TEX11: variants seen among roughly 807,000 people sequenced by gnomAD.
TEX11 encodes the protein testis-expressed protein 11.
A neutral mutation model predicts 84.4 loss-of-function variants in TEX11; 7 were observed. The ratio of observed to expected loss-of-function variants is 0.08; its 90% CI spans 0.05 to 0.16. The LOEUF (loss-of-function observed/expected upper bound fraction) is 0.16. TEX11 is among the 10% of genes least tolerant of loss of function. The probability of loss-of-function intolerance (pLI) is 1.00; values close to 1 mark genes in which losing one functional copy is unlikely to be tolerated. For synonymous variants in TEX11, 264 were observed against 222.8 expected, an observed-to-expected ratio of 1.18 and a Z score of -1.64; for missense variants, 551 against 660.5, an observed-to-expected ratio of 0.83 and a Z score of 1.82.
chrX:70,740,672 G>T, intron 11 of TEX11, 29 bp downstream of exon 11: 1 of 1,021,252 alleles, frequency 9.8e-7, no homozygotes, highest in Non-Finnish European at 1.3e-6. Flanking sequence ...AATACATTAA[G>T]TTAGTATTCA....
At chrX:70,887,638 G>A (rs2091716878) in intron 2 of TEX11, among the ~76,000 whole-genome samples, 1 of 112,447 alleles carries the variant, frequency 8.9e-6, no homozygotes, top group African/African-American at 3.2e-5. Flanking sequence ...CCCAGGGCCT[G>A]GGAGAACTCC....
At chrX:70,747,970 C>G (rs1246581366) in intron 9 of TEX11, among the ~76,000 whole-genome samples, 2 of 109,192 alleles carry the variant, frequency 1.8e-5, no homozygotes, top group African/African-American at 6.7e-5. Flanking sequence ...ATGAAAAATT[C>G]AGCAGATTGG....
intron 9 of TEX11, 33 bp from the exon 10 acceptor site, chrX:70,744,252 A>T: frequency 1.8e-6 from 1 of 561,513 alleles, no homozygotes. Context: ...ATATATATAT[A>T]TATATAAACA....
chrX:70,712,081 T>C (rs2090441052), intron 13 of TEX11, among the ~76,000 whole-genome samples: 1 of 111,775 alleles, frequency 8.9e-6, no homozygotes, highest in Admixed American at 9.5e-5. Context: ...GTCAGGTTTG[T>C]CAAAGATCAG....
chrX:70,874,903 G>A (rs551424396), intron 3 of TEX11, among the ~76,000 whole-genome samples: 4 of 110,607 alleles, frequency 3.6e-5, no homozygotes, highest in South Asian at 3.9e-4. Context: ...GCCTGGGTGC[G>A]GTGGCTCACA....
intron 24 of TEX11, among the ~76,000 whole-genome samples, chrX:70,597,656 T>C (rs2089025922): frequency 9.0e-6 from 1 of 111,455 alleles, no homozygotes; most frequent in African/African-American, 3.3e-5. Flanking sequence ...GAGCTGAAAA[T>C]ATAAAAAACC....
At chrX:70,714,469 G>C (rs1343576421) in intron 13 of TEX11, among the ~76,000 whole-genome samples, 1 of 111,242 alleles carries the variant, frequency 9.0e-6, no homozygotes, top group Non-Finnish European at 1.9e-5. Context: ...TATGAATCTG[G>C]GTGCTCCTGT....
chrX:70,733,679 A>T (rs2072799920), intron 11 of TEX11, among the ~76,000 whole-genome samples: 1 of 111,792 alleles, frequency 8.9e-6, no homozygotes, highest in Non-Finnish European at 1.9e-5. Flanking sequence ...GATGTGAAAA[A>T]ATAGGAACAC....
intron 13 of TEX11, among the ~76,000 whole-genome samples, chrX:70,696,927 G>C (rs1055295919): frequency 3.6e-5 from 4 of 111,827 alleles, no homozygotes; most frequent in African/African-American, 1.3e-4. Context: ...GGCTTTGGGG[G>C]AGAATACATT....
At chrX:70,813,674 T>C (rs950070433) in intron 8 of TEX11, among the ~76,000 whole-genome samples, 11 of 111,668 alleles carry the variant, frequency 9.9e-5, no homozygotes, top group Non-Finnish European at 1.9e-4. Flanking sequence ...TGTTTGCAGA[T>C]GACATGATTG....
intron 9 of TEX11, among the ~76,000 whole-genome samples, chrX:70,748,194 C>A (rs1408744054): frequency 9.0e-6 from 1 of 111,023 alleles, no homozygotes; most frequent in Non-Finnish European, 1.9e-5. Flanking sequence ...TTAAAACTCT[C>A]CAAATTTGAT....
chrX:70,752,604 A>G (rs186983267), intron 9 of TEX11, among the ~76,000 whole-genome samples: 16 of 109,706 alleles, frequency 1.5e-4, no homozygotes, highest in Non-Finnish European at 2.5e-4. Context: ...AAAATAGTAT[A>G]CTATAAAATA....
intron 9 of TEX11, among the ~76,000 whole-genome samples, chrX:70,779,887 CTTCA>C (rs1000877762): frequency 7.2e-5 from 8 of 111,877 alleles, no homozygotes; most frequent in Non-Finnish European, 1.3e-4. Flanking sequence ...AATAAAATGT[CTTCA>C]TTCAAAGAAA....
At chrX:70,537,451 G>C (rs1041918861) in intron 28 of TEX11, among the ~76,000 whole-genome samples, 9 of 107,269 alleles carry the variant, frequency 8.4e-5, no homozygotes, top group Middle Eastern at 4.3e-3. Flanking sequence ...CAAGGTACCA[G>C]GTTTGGAAAA....
chrX:70,772,140 G>A (rs2090975578), intron 9 of TEX11, among the ~76,000 whole-genome samples: 1 of 111,905 alleles, frequency 8.9e-6, no homozygotes, highest in African/African-American at 3.2e-5. Flanking sequence ...TTTGCCCATG[G>A]TCTTCATGAG....
At chrX:70,693,296 T>TA (rs773092377) in intron 13 of TEX11, among the ~76,000 whole-genome samples, 17 of 111,834 alleles carry the variant, frequency 1.5e-4, no homozygotes, top group African/African-American at 5.2e-4. Flanking sequence ...TATCTTTTCT[T>TA]AAAAAAAGTA....
intron 13 of TEX11, among the ~76,000 whole-genome samples, chrX:70,707,787 G>A (rs189656806): frequency 1.8e-3 from 197 of 110,541 alleles, no homozygotes; most frequent in African/African-American, 6.2e-3. Flanking sequence ...CACACAATGA[G>A]GTAAGGAAAA....
At chrX:70,776,137 T>C (rs1320623650) in intron 9 of TEX11, among the ~76,000 whole-genome samples, 2 of 110,288 alleles carry the variant, frequency 1.8e-5, no homozygotes, top group African/African-American at 6.6e-5. Flanking sequence ...AGGAAATTAG[T>C]ATATCAAAGG....
intron 8 of TEX11, among the ~76,000 whole-genome samples, chrX:70,826,029 C>T (rs1241658928): frequency 1.0e-5 from 1 of 96,614 alleles, no homozygotes; most frequent in Non-Finnish European, 2.1e-5. Context: ...GTTGGCCTGG[C>T]GCAGTGGCTC....
Sources: gnomAD v4.1 joint callset for allele counts (sites outside exome capture counted in the v4.1 genomes callset) on GRCh38, gnomAD v4.1.1 for gene constraint, MANE v1.5 for transcripts, NCBI Gene and HGNC (gene_info 2026-07-23, HGNC 2026-07-21) for gene names.